The following KCNMB2 variants were observed in gnomAD, a reference collection of about 807,000 sequenced individuals.
KCNMB2 encodes the protein potassium calcium-activated channel subfamily M regulatory beta subunit 2.
A neutral mutation model predicts 24.5 loss-of-function variants in KCNMB2; 9 were observed. The observed-to-expected ratio is 0.37, with a 90% CI of 0.22 to 0.64. The LOEUF is 0.64. Among genes scored for constraint, KCNMB2 ranks in the 30% least tolerant of loss-of-function variants. The pLI is 0.63. For missense variants in KCNMB2, 226 were observed against 284.3 expected (o/e 0.79, Z 1.47); for synonymous variants, 109 against 104.4 (o/e 1.04, Z -0.27).
At chr3:178,740,224 T>A (rs1723450830) in intron 1 of KCNMB2, among the ~76,000 whole-genome samples, 1 of 152,064 alleles carries the variant, frequency 6.6e-6, no homozygotes, top group African/African-American at 2.4e-5. Flanking sequence ...GTTCACACCA[T>A]TCCCCTACCT....
chr3:178,763,787 G>A (rs1712009084), intron 1 of KCNMB2, among the ~76,000 whole-genome samples: 1 of 152,102 alleles, frequency 6.6e-6, no homozygotes, highest in Non-Finnish European at 1.5e-5. Context: ...TTTGGAAGTA[G>A]AAAACCATAG....
intron 1 of KCNMB2, among the ~76,000 whole-genome samples, chr3:178,673,783 T>C (rs956054921): frequency 6.6e-6 from 1 of 152,204 alleles, no homozygotes; most frequent in Non-Finnish European, 1.5e-5. Flanking sequence ...TGCTTTTCAT[T>C]TCAGTAAGGC....
At chr3:178,777,198 G>A (rs1420642531) in intron 1 of KCNMB2, among the ~76,000 whole-genome samples, 1 of 152,146 alleles carries the variant, frequency 6.6e-6, no homozygotes, top group Non-Finnish European at 1.5e-5. Flanking sequence ...CACTTTGGCA[G>A]GTCAAGGCAG....
At chr3:178,784,874 TAAAAAAAA>T (rs67483966) in intron 1 of KCNMB2, among the ~76,000 whole-genome samples, 1 of 121,394 alleles carries the variant, frequency 8.2e-6, no homozygotes, top group African/African-American at 3.1e-5. Context: ...CCTGAAGCCT[TAAAAAAAA>T]AAAAAAAAAA....
At chr3:178,606,546 G>T (rs1718279666) in intron 1 of KCNMB2, among the ~76,000 whole-genome samples, 1 of 143,488 alleles carries the variant, frequency 7.0e-6, no homozygotes, top group Admixed American at 7.2e-5. Flanking sequence ...TACATAATTT[G>T]TTTGGTTTCA....
chr3:178,561,137 T>C (rs1235327252), intron 1 of KCNMB2, among the ~76,000 whole-genome samples: 1 of 152,156 alleles, frequency 6.6e-6, no homozygotes, highest in African/African-American at 2.4e-5. Flanking sequence ...TGATGTATCA[T>C]CTCACTCCAC....
chr3:178,720,177 G>A (rs1011962641), intron 1 of KCNMB2, among the ~76,000 whole-genome samples: 3 of 151,808 alleles, frequency 2.0e-5, no homozygotes, highest in Non-Finnish European at 4.4e-5. Context: ...TCCCCTTCCT[G>A]TGTCCATGTG....
chr3:178,569,505 C>T (rs1168596591), intron 1 of KCNMB2, among the ~76,000 whole-genome samples: 1 of 152,148 alleles, frequency 6.6e-6, no homozygotes, highest in Admixed American at 6.6e-5. Flanking sequence ...ACAGCTTCTT[C>T]CATAAATTAC....
intron 1 of KCNMB2, among the ~76,000 whole-genome samples, chr3:178,704,044 T>C (rs1391017906): frequency 6.6e-6 from 1 of 152,146 alleles, no homozygotes; most frequent in African/African-American, 2.4e-5. Flanking sequence ...AAAAGAATCA[T>C]TTCACTTTAT....
chr3:178,540,276 T>C (rs1441676289), intron 1 of KCNMB2, among the ~76,000 whole-genome samples: 1 of 152,174 alleles, frequency 6.6e-6, no homozygotes, highest in Non-Finnish European at 1.5e-5. Context: ...TTCTTGTCAT[T>C]TCCACTGCTA....
chr3:178,663,099 C>G (rs959143078), intron 1 of KCNMB2, among the ~76,000 whole-genome samples: 4 of 152,142 alleles, frequency 2.6e-5, no homozygotes, highest in African/African-American at 4.8e-5. Context: ...CAGAGCCTCT[C>G]TCTCCGTTGG....
chr3:178,768,345 A>ACACT (rs560272315), intron 1 of KCNMB2, among the ~76,000 whole-genome samples: 45 of 152,012 alleles, frequency 3.0e-4, no homozygotes, highest in Non-Finnish European at 5.6e-4. Flanking sequence ...CCAGCCCATT[A>ACACT]CACTCTCCAT....
chr3:178,566,668 A>G (rs1716533285), intron 1 of KCNMB2, among the ~76,000 whole-genome samples: 1 of 89,820 alleles, frequency 1.1e-5, no homozygotes, highest in African/African-American at 7.0e-5. Flanking sequence ...AATCAAGCAA[A>G]CATAAAAAAA....
chr3:178,783,007 T>C (rs889293065), intron 1 of KCNMB2, among the ~76,000 whole-genome samples: 7 of 148,492 alleles, frequency 4.7e-5, no homozygotes, highest in Admixed American at 2.0e-4. Context: ...GTTTTCTACA[T>C]ATGGCTAGCC....
intron 1 of KCNMB2, among the ~76,000 whole-genome samples, chr3:178,640,194 C>T (rs9814812): frequency 0.15 from 23,145 of 152,152 alleles, 1,821 homozygotes; most frequent in Middle Eastern, 0.25. Flanking sequence ...TGTATTCGTC[C>T]GTTTTCACAC....
At chr3:178,607,819 C>T (rs1263887912) in intron 1 of KCNMB2, among the ~76,000 whole-genome samples, 3 of 152,076 alleles carry the variant, frequency 2.0e-5, no homozygotes, top group Admixed American at 6.6e-5. Flanking sequence ...TTAATACAGT[C>T]ATTTAAAATG....
At chr3:178,648,273 C>T (rs1209826977) in intron 1 of KCNMB2, among the ~76,000 whole-genome samples, 1 of 152,178 alleles carries the variant, frequency 6.6e-6, no homozygotes, top group African/African-American at 2.4e-5. Flanking sequence ...CACAATGGCT[C>T]ACGCATGTAA....
At chr3:178,671,821 T>G (rs1404578134) in intron 1 of KCNMB2, among the ~76,000 whole-genome samples, 1 of 152,170 alleles carries the variant, frequency 6.6e-6, no homozygotes, top group Non-Finnish European at 1.5e-5. Flanking sequence ...GTGCTCTAGC[T>G]TAATCAACAT....
At chr3:178,597,509 C>G (rs555033277) in intron 1 of KCNMB2, among the ~76,000 whole-genome samples, 2 of 152,242 alleles carry the variant, frequency 1.3e-5, no homozygotes, top group African/African-American at 2.4e-5. Flanking sequence ...TGAGTTTGCA[C>G]AGCTAGGCCC....
Sources: gnomAD v4.1 joint callset for allele counts (sites outside exome capture counted in the v4.1 genomes callset) on GRCh38, gnomAD v4.1.1 for gene constraint, MANE v1.5 for transcripts, NCBI Gene and HGNC (gene_info 2026-07-23, HGNC 2026-07-21) for gene names.